The following PARP4 variants were observed in gnomAD, a reference collection of about 807,000 sequenced individuals.
The protein encoded by PARP4 is protein mono-ADP-ribosyltransferase PARP4.
Under a neutral mutation model 187.7 loss-of-function variants are expected in PARP4, and 120 were observed. The ratio of observed to expected loss-of-function variants is 0.64; its 90% CI spans 0.55 to 0.74. The LOEUF (loss-of-function observed/expected upper bound fraction) is 0.74. PARP4 is among the 30% of genes least tolerant of loss of function. The probability of loss-of-function intolerance (pLI) is 0.00; values close to 1 mark genes in which losing one functional copy is unlikely to be tolerated. For missense variants in PARP4, 1,836 were observed against 2,070.5 expected, an observed-to-expected ratio of 0.89 and a Z score of 2.20; for synonymous variants, 654 against 740.9, an observed-to-expected ratio of 0.88 and a Z score of 1.90.
chr13:24,496,544 C>T (rs1439866762), intron 6 of PARP4, among the ~76,000 whole-genome samples: 1 of 152,214 alleles, frequency 6.6e-6, no homozygotes, highest in Admixed American at 6.5e-5. Context: ...GACAATGCTA[C>T]AAGAGCTATG....
rs778339350 is a variant in PARP4, at chr13:24,475,432, T to C, written c.1914+40A>G. Reference sequence around the variant, plus strand: ...ATCAAATTCTCATGTATGGTTTACATCCATGTAGTTTAAGTGTCATAAAGC... The same window carrying C: ...ATCAAATTCTCATGTATGGTTTACACCCATGTAGTTTAAGTGTCATAAAGC... On this transcript the variant is annotated intron_variant, in intron 15 of 33. Transcript: ENST00000381989. 1.2e-5 allele frequency: 19 copies of C among 1,574,266 alleles called. No homozygotes were observed. In the South Asian group the frequency reaches 1.9e-4, roughly 16 times the overall value.
chr13:24,509,483 G>A (rs978629422), intron 1 of PARP4, among the ~76,000 whole-genome samples: 1 of 147,006 alleles, frequency 6.8e-6, no homozygotes, highest in East Asian at 2.0e-4. Context: ...CTCCAGCCTG[G>A]GTGACAAGAG....
chr13:24,469,774 G>A (rs1872651473), intron 16 of PARP4, 120 bp downstream of exon 16: 4 of 1,040,442 alleles, frequency 3.8e-6, no homozygotes, highest in Non-Finnish European at 4.1e-6. Flanking sequence ...GAATATTCTC[G>A]TTTTATGATA....
intron 12 of PARP4, among the ~76,000 whole-genome samples, chr13:24,479,099 T>C (rs886437151): frequency 6.6e-6 from 1 of 152,162 alleles, no homozygotes; most frequent in African/African-American, 2.4e-5. Flanking sequence ...TTTATCTTTC[T>C]TTGGGAATCA....
At chr13:24,429,133 T>C (rs1870207103) in intron 32 of PARP4, among the ~76,000 whole-genome samples, 1 of 152,240 alleles carries the variant, frequency 6.6e-6, no homozygotes, top group Non-Finnish European at 1.5e-5. Context: ...ACCTTTTCAT[T>C]GCAGATACTA....
intron 30 of PARP4, among the ~76,000 whole-genome samples, chr13:24,437,508 C>T (rs1232794933): frequency 6.6e-6 from 1 of 151,592 alleles, no homozygotes; most frequent in Non-Finnish European, 1.5e-5. Flanking sequence ...AAAAGTTTAC[C>T]TAAGATAAAT....
chr13:24,477,475 T>C (rs993388710), intron 14 of PARP4, among the ~76,000 whole-genome samples: 13 of 151,914 alleles, frequency 8.6e-5, no homozygotes, highest in African/African-American at 2.9e-4. Flanking sequence ...AAGAAATATA[T>C]ATATTTTAAA....
At chr13:24,508,060 A>G (rs1869804549) in intron 1 of PARP4, among the ~76,000 whole-genome samples, 1 of 152,198 alleles carries the variant, frequency 6.6e-6, no homozygotes, top group African/African-American at 2.4e-5. Context: ...ACTGCCTCTC[A>G]CATTCAATTA....
At chr13:24,492,226 A>C (rs1868693203) in intron 9 of PARP4, among the ~76,000 whole-genome samples, 195 bp downstream of exon 9, 1 of 152,246 alleles carries the variant, frequency 6.6e-6, no homozygotes, top group Non-Finnish European at 1.5e-5. Context: ...CACTGTGCCA[A>C]CATATTCACA....
At position 24,443,817 on chromosome 13, in the gene PARP4, T is replaced by C. The variant is rs1026935768; in HGVS notation, c.3367-87A>G. Reference sequence around the variant, plus strand: ...GAACATCATTTTAAAAATGGAGGTATAATCTGCATACAGTAAAATGCACTC... The same window carrying C: ...GAACATCATTTTAAAAATGGAGGTACAATCTGCATACAGTAAAATGCACTC... On this transcript the variant is annotated intron_variant, in intron 27 of 33. Transcript: ENST00000381989. 76 of 892,290 alleles carry C rather than the reference T, an allele frequency of 8.5e-5. No homozygotes were observed. The African/African-American group carries it at 1.2e-3, about 14-fold the overall frequency. The allele number at this position is 892,290 out of a possible 1,614,324, so 55.3% of individuals were successfully genotyped here.
chr13:24,439,883 G>A (rs1435427952), intron 30 of PARP4, among the ~76,000 whole-genome samples: 1 of 152,136 alleles, frequency 6.6e-6, no homozygotes, highest in African/African-American at 2.4e-5. Flanking sequence ...AAGCAGCCCT[G>A]AGTCCCATTC....
chr13:24,500,897 A>G (rs1869237844), intron 3 of PARP4, among the ~76,000 whole-genome samples: 1 of 152,242 alleles, frequency 6.6e-6, no homozygotes, highest in Admixed American at 6.5e-5. Flanking sequence ...CAAGATTCCA[A>G]GGATCATCAG....
chr13:24,500,158 GAAGA>G (rs1869192826), intron 4 of PARP4, among the ~76,000 whole-genome samples, 154 bp downstream of exon 4: 1 of 151,890 alleles, frequency 6.6e-6, no homozygotes, highest in South Asian at 2.1e-4. Flanking sequence ...TATACTAGTT[GAAGA>G]AAAAGACTCA....
chr13:24,477,597 A>C (rs1416589369), intron 14 of PARP4, 104 bp downstream of exon 14: 1 of 685,724 alleles, frequency 1.5e-6, no homozygotes, highest in Non-Finnish European at 2.5e-6. Flanking sequence ...CTTATGGATG[A>C]GGTCATAGAT....
chr13:24,496,113 G>C (rs1307080930), intron 6 of PARP4, among the ~76,000 whole-genome samples: 2 of 151,858 alleles, frequency 1.3e-5, no homozygotes, highest in Non-Finnish European at 1.5e-5. Flanking sequence ...CTTGCTAAGG[G>C]AGGAAGGCAC....
At chr13:24,499,956 T>G (rs927353909) in intron 4 of PARP4, among the ~76,000 whole-genome samples, 2 of 152,120 alleles carry the variant, frequency 1.3e-5, no homozygotes, top group African/African-American at 4.8e-5. Context: ...TGTTGTTATT[T>G]CCATTTTTGA....
intron 1 of PARP4, among the ~76,000 whole-genome samples, chr13:24,506,220 C>A (rs942814891): frequency 6.6e-6 from 1 of 151,660 alleles, no homozygotes; most frequent in Non-Finnish European, 1.5e-5. Context: ...TTCTTTAAGG[C>A]GGCGCATCCA....
Position 24,455,111 on chromosome 13 carries a change from C to G in PARP4, c.2664G>C (p.Glu888Asp). The change falls in exon 22 of 34, where the codon GAG (glutamate) becomes GAC (aspartate). Residue 888 changes from glutamate (E) to aspartate (D), a missense_variant. Physicochemically the swap from Glu to Asp is conservative, Grantham distance 45 (BLOSUM62 2). Transcript: ENST00000381989. ...IICLDCSSSM[E>D]GVTFLQAKQI... ...GCTTGGCTTGCAAGAATGTCACACC[C>G]TCCATGGAACTGGAGCAGTCAAGAC... The G allele has an allele frequency of 6.2e-7, 1 of 1,613,532 alleles. No homozygotes were observed. The highest frequency in any genetic ancestry group is 8.5e-7 in the Non-Finnish European group (1 of 1,179,514).
At chr13:24,453,258 T>TTTC (rs1465156804) in intron 23 of PARP4, among the ~76,000 whole-genome samples, 4 of 138,036 alleles carry the variant, frequency 2.9e-5, no homozygotes, top group Non-Finnish European at 6.3e-5. Flanking sequence ...TTCTTTCTTT[T>TTTC]TTTTTTTTAA....
Sources: gnomAD v4.1 joint callset for allele counts (sites outside exome capture counted in the v4.1 genomes callset) on GRCh38, gnomAD v4.1.1 for gene constraint, MANE v1.5 for transcripts, NCBI Gene and HGNC (gene_info 2026-07-23, HGNC 2026-07-21) for gene names.